Variants in PDE10A observed in about 807,000 individuals in gnomAD.
The protein encoded by PDE10A is phosphodiesterase 10A, also known as cAMP and cAMP-inhibited cGMP 3',5'-cyclic phosphodiesterase 10A.
PDE10A carries 39 observed loss-of-function variants against 97.7 expected under a neutral mutation model. That is an observed-to-expected ratio of 0.40 (90% CI 0.31 to 0.52). PDE10A has a LOEUF of 0.52. Among genes scored for constraint, PDE10A ranks in the 20% least tolerant of loss-of-function variants. The pLI, the probability that PDE10A is intolerant of heterozygous loss-of-function variation, is 0.56. For synonymous variants in PDE10A, 371 were observed against 376.8 expected (o/e 0.98, Z 0.18); for missense variants, 731 against 1,047.8 (o/e 0.70, Z 4.17).
At chr6:165,610,530 C>CAAAAAAAAAAAAAA (rs201763144) in intron 1 of PDE10A, among the ~76,000 whole-genome samples, 1 of 55,108 alleles carries the variant, frequency 1.8e-5, no homozygotes, top group Non-Finnish European at 3.8e-5. Context: ...GACTCCGTCT[C>CAAAAAAAAAAAAAA]AAAAAAAAAA....
At chr6:165,863,254 G>T (rs148875126) in intron 1 of PDE10A, among the ~76,000 whole-genome samples, 1 of 152,004 alleles carries the variant, frequency 6.6e-6, no homozygotes, top group African/African-American at 2.4e-5. Context: ...CTTTCATTTC[G>T]GGTTGCTCTA....
At chr6:165,430,999 T>G (rs77589470) in intron 8 of PDE10A, among the ~76,000 whole-genome samples, 95 of 152,232 alleles carry the variant, frequency 6.2e-4, no homozygotes, top group African/African-American at 2.2e-3. Context: ...AAATTAGATA[T>G]CTTCAAAAGA....
intron 1 of PDE10A, among the ~76,000 whole-genome samples, chr6:165,752,129 CAAAAAAAAAA>C (rs58229023): frequency 3.0e-5 from 2 of 66,354 alleles, no homozygotes; most frequent in Non-Finnish European, 3.0e-5. Flanking sequence ...GGCAACAGAG[CAAAAAAAAAA>C]AAAAAAAAAA....
intron 3 of PDE10A, among the ~76,000 whole-genome samples, chr6:165,470,526 C>A (rs1309232169): frequency 6.6e-6 from 1 of 152,160 alleles, no homozygotes; most frequent in Non-Finnish European, 1.5e-5. Flanking sequence ...TTGGTTTATA[C>A]TTCACCTGAT....
intron 2 of PDE10A, among the ~76,000 whole-genome samples, chr6:165,489,714 T>C (rs563867027): frequency 6.6e-6 from 1 of 152,098 alleles, no homozygotes; most frequent in Admixed American, 6.5e-5. Context: ...AGGATATCAA[T>C]GGAAAAATCT....
chr6:165,680,246 CA>C (rs1790939066), intron 1 of PDE10A, among the ~76,000 whole-genome samples: 1 of 151,996 alleles, frequency 6.6e-6, no homozygotes, highest in South Asian at 2.1e-4. Context: ...AGTAATATCA[CA>C]AAAAGAGATT....
chr6:165,481,741 C>CTTAAG (rs10636941), intron 3 of PDE10A, among the ~76,000 whole-genome samples: 1 of 151,220 alleles, frequency 6.6e-6, no homozygotes, highest in Non-Finnish European at 1.5e-5. Flanking sequence ...TGCTAAGACT[C>CTTAAG]TTAACTAGGC....
At chr6:165,615,887 G>T (rs1454422707) in intron 1 of PDE10A, among the ~76,000 whole-genome samples, 2 of 152,112 alleles carry the variant, frequency 1.3e-5, no homozygotes, top group African/African-American at 2.4e-5. Flanking sequence ...TTGCAGCATT[G>T]CAGGGGAATG....
intron 10 of PDE10A, among the ~76,000 whole-genome samples, chr6:165,421,802 C>T (rs1462507909): frequency 2.0e-5 from 3 of 152,212 alleles, no homozygotes; most frequent in Admixed American, 1.3e-4. Context: ...GGGGCTCACG[C>T]TGTACTTCCA....
intron 1 of PDE10A, among the ~76,000 whole-genome samples, chr6:165,636,331 A>G (rs1201564264): frequency 6.6e-6 from 1 of 152,230 alleles, no homozygotes; most frequent in Non-Finnish European, 1.5e-5. Flanking sequence ...ACTCTTCAAA[A>G]TAAAGTTACA....
At chr6:165,529,342 G>A (rs1259951029) in intron 2 of PDE10A, among the ~76,000 whole-genome samples, 1 of 152,144 alleles carries the variant, frequency 6.6e-6, no homozygotes, top group East Asian at 1.9e-4. Context: ...AAGTCTATGG[G>A]AAACTATAAG....
intron 2 of PDE10A, among the ~76,000 whole-genome samples, chr6:165,516,729 C>T (rs1446115664): frequency 6.6e-6 from 1 of 152,122 alleles, no homozygotes; most frequent in Non-Finnish European, 1.5e-5. Context: ...CAAACAAAAT[C>T]ACTAGGGAAA....
chr6:165,925,079 T>C (rs769505076), intron 1 of PDE10A, among the ~76,000 whole-genome samples: 6 of 152,122 alleles, frequency 3.9e-5, no homozygotes, highest in Admixed American at 6.5e-5. Context: ...AAAAATGAAA[T>C]GGGCCGAAGA....
At chr6:165,929,898 C>T (rs574767071) in intron 1 of PDE10A, among the ~76,000 whole-genome samples, 12 of 151,958 alleles carry the variant, frequency 7.9e-5, no homozygotes, top group East Asian at 1.9e-4. Flanking sequence ...CCCTAATGAC[C>T]GGGCACATAT....
At chr6:165,385,227 G>C (rs1221250319) in intron 17 of PDE10A, among the ~76,000 whole-genome samples, 1 of 152,016 alleles carries the variant, frequency 6.6e-6, no homozygotes, top group East Asian at 1.9e-4. Context: ...AGGGAAAAAT[G>C]ATGACTCTAA....
intron 1 of PDE10A, among the ~76,000 whole-genome samples, chr6:165,658,713 G>T (rs1396988515): frequency 6.6e-6 from 1 of 152,218 alleles, no homozygotes; most frequent in Non-Finnish European, 1.5e-5. Flanking sequence ...GCAAACACTG[G>T]GCTCTCTAGG....
At chr6:165,353,252 A>G (rs1009611060) in intron 18 of PDE10A, among the ~76,000 whole-genome samples, 4 of 152,234 alleles carry the variant, frequency 2.6e-5, no homozygotes, top group South Asian at 2.1e-4. Context: ...AAAAAGGTAC[A>G]GCCATTGTGG....
intron 3 of PDE10A, among the ~76,000 whole-genome samples, chr6:165,455,149 T>A (rs902630373): frequency 6.6e-6 from 1 of 152,120 alleles, no homozygotes; most frequent in Non-Finnish European, 1.5e-5. Flanking sequence ...TTCTTTATTA[T>A]TATTATTATC....
At chr6:165,687,123 C>T (rs1375631316) in intron 1 of PDE10A, among the ~76,000 whole-genome samples, 2 of 152,238 alleles carry the variant, frequency 1.3e-5, no homozygotes, top group Non-Finnish European at 2.9e-5. Flanking sequence ...CCCTCGCCTT[C>T]GTTTCCATCC....
Sources: allele counts gnomAD v4.1 joint callset (sites outside exome capture counted in the v4.1 genomes callset), GRCh38; gene constraint gnomAD v4.1.1; transcripts MANE v1.5; gene names NCBI Gene and HGNC (gene_info 2026-07-23, HGNC 2026-07-21).